RNF175: variants seen among roughly 807,000 people sequenced by gnomAD.
RNF175 encodes ring finger protein 175.
In RNF175, 38 loss-of-function variants were observed where a neutral mutation model predicts 50.0. That is an observed-to-expected ratio of 0.76 (90% CI 0.59 to 1.00). RNF175 has a LOEUF of 1.00. RNF175 is among the 50% of genes least tolerant of loss of function. The pLI, the probability that RNF175 is intolerant of heterozygous loss-of-function variation, is 0.00. For missense variants in RNF175, 388 were observed against 409.6 expected (o/e 0.95, Z 0.46); for synonymous variants, 155 against 146.1 (o/e 1.06, Z -0.44).
At chr4:153,730,026 G>A (rs1738941803) in intron 3 of RNF175, among the ~76,000 whole-genome samples, 1 of 152,162 alleles carries the variant, frequency 6.6e-6, no homozygotes, top group African/African-American at 2.4e-5. Context: ...GGAAAAACAA[G>A]CTTTACTTAA....
In RNF175 at chr4:153,734,665, C is replaced by CTTTTTTTTTT. The variant is rs56211482; in HGVS notation, c.247-6314_247-6305dup. Among the ~76,000 whole-genome samples the CTTTTTTTTTT allele has an allele frequency of 3.6e-4, 26 of 73,182 alleles. 5 individuals carry two copies. Among genetic ancestry groups the CTTTTTTTTTT allele is most frequent in the African/African-American group, 1.5e-3 (18 of 12,004 alleles). 48.0% of individuals were successfully genotyped at this position (73,182 alleles called of 152,430 possible). Reference sequence around the variant, plus strand: ...TCCAAGTCTGGCTTGTTTTTTTATTCTTTTTTTTTTTTTTTTTTTTTTTTT... The same window carrying CTTTTTTTTTT: ...TCCAAGTCTGGCTTGTTTTTTTATTCTTTTTTTTTTTTTTTTTTTTTTTTTTTTTTTTTTT... On this transcript the variant is annotated intron_variant, in intron 3 of 8. Transcript: ENST00000347063.
intron 6 of RNF175, among the ~76,000 whole-genome samples, chr4:153,716,731 T>C (rs1737956441): frequency 6.6e-6 from 1 of 152,178 alleles, no homozygotes; most frequent in Admixed American, 6.5e-5. Context: ...GCAGAGCAGG[T>C]TGGCAGGCCA....
chr4:153,717,030 G>A (rs1737976629), intron 6 of RNF175, among the ~76,000 whole-genome samples: 1 of 152,160 alleles, frequency 6.6e-6, no homozygotes, highest in Non-Finnish European at 1.5e-5. Flanking sequence ...GTTAAGGGAG[G>A]AGAATTTATA....
intron 3 of RNF175, among the ~76,000 whole-genome samples, chr4:153,739,660 A>G (rs533328385): frequency 5.3e-4 from 80 of 152,258 alleles, no homozygotes; most frequent in African/African-American, 1.9e-3. Flanking sequence ...ATTTCTCTGG[A>G]TATAGAATCC....
At chr4:153,741,859 TG>T (rs1739676102) in intron 3 of RNF175, among the ~76,000 whole-genome samples, 2 of 151,986 alleles carry the variant, frequency 1.3e-5, no homozygotes, top group Non-Finnish European at 2.9e-5. Context: ...CACATTCGGT[TG>T]GTGCAAAAGT....
intron 3 of RNF175, among the ~76,000 whole-genome samples, chr4:153,736,770 C>T (rs1579075347): frequency 6.6e-6 from 1 of 152,154 alleles, no homozygotes; most frequent in Admixed American, 6.5e-5. Context: ...ATTAGCCCAC[C>T]TCATCTAATT....
rs770361042 is a variant in RNF175 at position 153,712,526 on chromosome 4, G to A, written c.815C>T (p.Thr272Ile). The change falls in exon 8 of 9, where the codon ACT becomes ATT. Residue 272 changes from threonine (T) to isoleucine (I), a missense_variant. Thr to Ile is a moderately conservative substitution (Grantham distance 89). Coordinates refer to ENST00000347063, the MANE Select transcript of RNF175 (RefSeq NM_173662.4). ...AACTTTCTCTTTGCAGTAAGGGCAA[G>A]TCTGCTTTTTCCCAACGATACACCA... ...RGWCIVGKKQ[T>I]CPYCKEKVDL... The A allele has an allele frequency of 6.2e-7, 1 of 1,613,294 alleles. No homozygotes were observed. The highest frequency in any genetic ancestry group is 8.5e-7 in the Non-Finnish European group (1 of 1,179,416).
intron 7 of RNF175, chr4:153,715,011 C>A (rs114823688): frequency 0.019 from 3,090 of 166,192 alleles, 45 homozygotes; most frequent in Middle Eastern, 0.065. Flanking sequence ...GAGAAGAAGG[C>A]TTGGTTTCCT....
rs1335995248 is a variant in RNF175 at position 153,759,784 on chromosome 4, C to T, written c.66+13G>A. 2.7e-6 allele frequency: 4 copies of T among 1,473,682 alleles called. No homozygotes were observed. In the African/African-American group the frequency reaches 4.4e-5, roughly 16 times the overall value. The allele number at this position is 1,473,682 out of a possible 1,614,324, so 91.3% of individuals were successfully genotyped here. ...GCCTGGCGTCCCCCACGCCCGCGCCCCCGCGCCAGTACCTGCTCCTGCTGC... is the reference window on the plus strand; with the variant it reads ...GCCTGGCGTCCCCCACGCCCGCGCCTCCGCGCCAGTACCTGCTCCTGCTGC... On this transcript the variant is annotated intron_variant, in intron 1 of 8. Transcript: ENST00000347063.
chr4:153,734,317 G>A (rs771022683), intron 3 of RNF175, among the ~76,000 whole-genome samples: 5 of 152,132 alleles, frequency 3.3e-5, no homozygotes, highest in Non-Finnish European at 7.3e-5. Context: ...TCCCAACAAC[G>A]AGAGTTCCTG....
At chr4:153,715,951 C>T (rs1737891384) in intron 6 of RNF175, among the ~76,000 whole-genome samples, 1 of 151,204 alleles carries the variant, frequency 6.6e-6, no homozygotes, top group East Asian at 2.0e-4. Context: ...GTAATCCCAG[C>T]TACTCGGGAG....
At chr4:153,713,102 G>C (rs911070854) in intron 7 of RNF175, 1 of 152,314 alleles carries the variant, frequency 6.6e-6, no homozygotes, top group African/African-American at 2.4e-5. Context: ...TAAAAGTACT[G>C]ATAAGGAGCC....
intron 3 of RNF175, among the ~76,000 whole-genome samples, chr4:153,730,756 C>T (rs1242992883): frequency 2.0e-5 from 3 of 152,076 alleles, no homozygotes; most frequent in Non-Finnish European, 4.4e-5. Context: ...ATATTTTATA[C>T]TTTAGATCTA....
At chr4:153,749,451 G>A (rs544285591) in intron 2 of RNF175, among the ~76,000 whole-genome samples, 1 of 152,138 alleles carries the variant, frequency 6.6e-6, no homozygotes, top group African/African-American at 2.4e-5. Context: ...ATTATCCAGG[G>A]GGCAATGGAA....
At chr4:153,734,287 A>G (rs1374095029) in intron 3 of RNF175, among the ~76,000 whole-genome samples, 2 of 152,224 alleles carry the variant, frequency 1.3e-5, no homozygotes, top group Non-Finnish European at 2.9e-5. Context: ...CTTCAAAAAT[A>G]GCTTTACCAT....
intron 6 of RNF175, among the ~76,000 whole-genome samples, chr4:153,716,895 T>G (rs1737967366): frequency 6.6e-6 from 1 of 152,242 alleles, no homozygotes; most frequent in Non-Finnish European, 1.5e-5. Context: ...TAAAGTCAAT[T>G]GATTATAGAT....
intron 3 of RNF175, among the ~76,000 whole-genome samples, chr4:153,733,640 G>A (rs1739171327): frequency 6.6e-6 from 1 of 152,130 alleles, no homozygotes; most frequent in Non-Finnish European, 1.5e-5. Flanking sequence ...CTACCCTTCA[G>A]TGAGGTTGTT....
intron 3 of RNF175, among the ~76,000 whole-genome samples, chr4:153,742,210 GTTGCAGTGAGCCGAGA>G (rs1553957712): frequency 6.9e-6 from 1 of 145,960 alleles, no homozygotes; most frequent in Non-Finnish European, 1.5e-5. Flanking sequence ...GGAGGCAGAG[GTTGCAGTGAGCCGAGA>G]TCATGCCACT....
intron 5 of RNF175, 122 bp downstream of exon 5, chr4:153,723,229 C>T: frequency 1.7e-6 from 1 of 572,640 alleles, no homozygotes; most frequent in Admixed American, 2.8e-5. Flanking sequence ...TGGATATCTA[C>T]TATAAAACAT....
Sources: gnomAD v4.1 joint callset for allele counts (sites outside exome capture counted in the v4.1 genomes callset) on GRCh38, gnomAD v4.1.1 for gene constraint, MANE v1.5 for transcripts, NCBI Gene and HGNC (gene_info 2026-07-23, HGNC 2026-07-21) for gene names.